Variants in SLC9C1 observed in about 807,000 individuals in gnomAD.
SLC9C1 encodes the protein solute carrier family 9 member C1, also known as sodium/hydrogen exchanger 10.
A neutral mutation model predicts 140.9 loss-of-function variants in SLC9C1; 97 were observed. The observed-to-expected ratio is 0.69, with a 90% CI of 0.58 to 0.82. The LOEUF is 0.82. SLC9C1 is among the 40% of genes least tolerant of loss of function. The pLI is 0.00. For missense variants in SLC9C1, 1,340 were observed against 1,389.3 expected (o/e 0.96, Z 0.56); for synonymous variants, 440 against 442.6 (o/e 0.99, Z 0.07).
At chr3:112,201,513 A>G (rs2077905349) in intron 18 of SLC9C1, among the ~76,000 whole-genome samples, 1 of 152,096 alleles carries the variant, frequency 6.6e-6, no homozygotes, top group South Asian at 2.1e-4. Flanking sequence ...CACATAAAAT[A>G]TAGCATTGAG....
chr3:112,177,385 C>T (rs543602825), intron 23 of SLC9C1, among the ~76,000 whole-genome samples: 2 of 152,052 alleles, frequency 1.3e-5, no homozygotes, highest in Non-Finnish European at 2.9e-5. Flanking sequence ...TGCAGCCTGT[C>T]TCTCAACCAA....
intron 21 of SLC9C1, 121 bp downstream of exon 21, chr3:112,182,012 C>T: frequency 1.2e-6 from 1 of 861,438 alleles, no homozygotes; most frequent in Non-Finnish European, 1.6e-6. Flanking sequence ...TGATTTTATC[C>T]TATCAGAAAT....
At chr3:112,211,169 A>G (rs945828997) in intron 15 of SLC9C1, among the ~76,000 whole-genome samples, 1 of 152,238 alleles carries the variant, frequency 6.6e-6, no homozygotes, top group African/African-American at 2.4e-5. Context: ...AAATTTTTAA[A>G]AAGAAATTTC....
In SLC9C1 at chr3:112,280,703, A is replaced by G. The variant is rs775780439; in HGVS notation, c.169T>C (p.Leu57=). The change falls in exon 3 of 29, where the codon TTA becomes CTA. Residue 57 remains leucine (L), a synonymous_variant. Coordinates refer to ENST00000305815, the MANE Select transcript of SLC9C1 (RefSeq NM_183061.3). ...LFLLGCSFEV[L]SFTSSQVQRY... ...CACACCTGTGAAGATGTAAAGCTTA[A>G]TACTTCAAAACTGCATCCAAGTAAA... 6.2e-7 allele frequency: 1 copy of G among 1,610,884 alleles called. No homozygotes were observed. The highest frequency in any genetic ancestry group is 1.7e-5 in the Admixed American group (1 of 59,126).
intron 15 of SLC9C1, among the ~76,000 whole-genome samples, chr3:112,211,687 G>A (rs183702837): frequency 2.0e-5 from 3 of 152,372 alleles, no homozygotes; most frequent in African/African-American, 7.2e-5. Flanking sequence ...TGAGGCTTGA[G>A]TAGGTAAATA....
intron 8 of SLC9C1, among the ~76,000 whole-genome samples, chr3:112,265,113 C>A (rs1576477480): frequency 6.6e-6 from 1 of 151,972 alleles, no homozygotes; most frequent in African/African-American, 2.4e-5. Context: ...AAATTGGATT[C>A]TTTTAAGGAA....
At position 112,141,203 on chromosome 3, in the gene SLC9C1, G is replaced by A. The variant is rs1381674372; in HGVS notation, c.*69C>T. The A allele has an allele frequency of 6.9e-7, 1 of 1,448,942 alleles. No individual in the cohort carries two copies. Among genetic ancestry groups the A allele is most frequent in the African/African-American group, 1.5e-5 (1 of 68,518 alleles). The allele number at this position is 1,448,942 out of a possible 1,614,324, so 89.8% of individuals were successfully genotyped here. On this transcript the variant is annotated 3_prime_UTR_variant, in exon 29 of 29. Coordinates refer to ENST00000305815, the MANE Select transcript of SLC9C1 (RefSeq NM_183061.3). ...AGTTACTCCTTCTTGATGTAGGGAA[G>A]TGTGTTTCTGCAGCAGGAGGCCTCT... is the stretch of plus-strand genomic sequence containing the variant.
At chr3:112,189,426 C>A (rs542343583) in intron 20 of SLC9C1, among the ~76,000 whole-genome samples, 78 of 152,286 alleles carry the variant, frequency 5.1e-4, no homozygotes, top group African/African-American at 1.8e-3. Context: ...AGGAAGGGAT[C>A]CAGTTTCAGC....
chr3:112,253,641 C>T (rs536546970), intron 10 of SLC9C1, among the ~76,000 whole-genome samples: 2 of 152,160 alleles, frequency 1.3e-5, no homozygotes, highest in Non-Finnish European at 2.9e-5. Context: ...ACAATCTGCA[C>T]CACAGCTAAA....
intron 10 of SLC9C1, among the ~76,000 whole-genome samples, chr3:112,246,573 A>G (rs537769645): frequency 6.6e-6 from 1 of 152,280 alleles, no homozygotes; most frequent in South Asian, 2.1e-4. Flanking sequence ...AGCTGCTTCT[A>G]AGTTCCAGAC....
intron 28 of SLC9C1, among the ~76,000 whole-genome samples, chr3:112,143,074 T>C (rs2074678674): frequency 6.6e-6 from 1 of 152,216 alleles, no homozygotes; most frequent in African/African-American, 2.4e-5. Context: ...TTGGGTCTTT[T>C]TTATGGCTGT....
intron 28 of SLC9C1, among the ~76,000 whole-genome samples, chr3:112,150,809 T>A (rs1201606159): frequency 1.0e-5 from 1 of 98,844 alleles, no homozygotes; most frequent in African/African-American, 3.2e-5. Context: ...TATATATATA[T>A]AAATACATAT....
At chr3:112,234,971 G>T (rs2078945198) in intron 12 of SLC9C1, among the ~76,000 whole-genome samples, 1 of 151,732 alleles carries the variant, frequency 6.6e-6, no homozygotes, top group Non-Finnish European at 1.5e-5. Context: ...CTCTTTTTTG[G>T]TTCCACATGA....
intron 26 of SLC9C1, among the ~76,000 whole-genome samples, chr3:112,159,222 A>T (rs905714423): frequency 4.0e-5 from 6 of 151,544 alleles, no homozygotes; most frequent in Non-Finnish European, 5.9e-5. Context: ...TCAATAAATT[A>T]AAAAAAATGT....
chr3:112,155,518 C>T (rs866175237), intron 26 of SLC9C1, among the ~76,000 whole-genome samples: 1 of 152,018 alleles, frequency 6.6e-6, no homozygotes, highest in African/African-American at 2.4e-5. Context: ...AGTCACATAG[C>T]GCAGTTTTGT....
intron 23 of SLC9C1, among the ~76,000 whole-genome samples, chr3:112,169,853 C>A (rs924925701): frequency 6.6e-6 from 1 of 152,052 alleles, no homozygotes; most frequent in African/African-American, 2.4e-5. Context: ...TTCTTCTGAT[C>A]CATGAGCATA....
chr3:112,187,878 C>T (rs929454577), intron 20 of SLC9C1, among the ~76,000 whole-genome samples: 12 of 151,896 alleles, frequency 7.9e-5, no homozygotes, highest in Non-Finnish European at 4.4e-5. Context: ...CTTATATATA[C>T]AAAATCTTAT....
At chr3:112,172,736 A>AT (rs1576267879) in intron 23 of SLC9C1, among the ~76,000 whole-genome samples, 3 of 151,946 alleles carry the variant, frequency 2.0e-5, no homozygotes, top group African/African-American at 7.2e-5. Context: ...GTTTTTGGAG[A>AT]TTTTTTAAAA....
intron 16 of SLC9C1, among the ~76,000 whole-genome samples, chr3:112,206,797 A>G (rs1195314953): frequency 2.0e-5 from 3 of 151,404 alleles, no homozygotes; most frequent in Non-Finnish European, 4.4e-5. Context: ...GAACAATCAG[A>G]ACACCTGGAC....
Sources: gnomAD v4.1 joint callset for allele counts (sites outside exome capture counted in the v4.1 genomes callset) on GRCh38, gnomAD v4.1.1 for gene constraint, MANE v1.5 for transcripts, NCBI Gene and HGNC (gene_info 2026-07-23, HGNC 2026-07-21) for gene names.